The following TMEM178B variants were observed in gnomAD, a reference collection of about 807,000 sequenced individuals.
TMEM178B encodes the protein transmembrane protein 178B.
In TMEM178B, 5 loss-of-function variants were observed where a neutral mutation model predicts 31.0. The observed-to-expected ratio is 0.16, with a 90% CI of 0.08 to 0.34. The LOEUF is 0.34. Ranked by LOEUF, TMEM178B falls within the 10% of genes least tolerant of loss-of-function variation. The probability of loss-of-function intolerance (pLI) is 1.00; values close to 1 mark genes in which losing one functional copy is unlikely to be tolerated. For missense variants in TMEM178B, 275 were observed against 400.3 expected (o/e 0.69, Z 2.67); for synonymous variants, 164 against 164.0 (o/e 1.00, Z 0.00).
At chr7:141,386,111 T>TA (rs1800427332) in intron 2 of TMEM178B, among the ~76,000 whole-genome samples, 1 of 152,222 alleles carries the variant, frequency 6.6e-6, no homozygotes, top group East Asian at 1.9e-4. Context: ...AGGTGGCCTC[T>TA]AAAAAACAGA....
intron 1 of TMEM178B, among the ~76,000 whole-genome samples, chr7:141,154,518 C>T (rs1796032923): frequency 6.6e-6 from 1 of 152,210 alleles, no homozygotes; most frequent in Non-Finnish European, 1.5e-5. Context: ...AAACTGATCA[C>T]ACAGTAGTGT....
chr7:141,216,448 T>TGTGTGTGTGTGC lies in TMEM178B; in HGVS notation c.496+3745_496+3746insTGTGTGTGTGCG, dbSNP rs1415593747. 5.2e-3 allele frequency among the ~76,000 whole-genome samples: 702 copies of TGTGTGTGTGTGC among 135,914 alleles called. 26 individuals carry two copies. Among genetic ancestry groups the TGTGTGTGTGTGC allele is most frequent in the African/African-American group, 0.019 (658 of 34,350 alleles). 89.2% of individuals were successfully genotyped at this position (135,914 alleles called of 152,430 possible). On this transcript the variant is annotated intron_variant, in intron 2 of 3. Transcript: ENST00000565468. Reference sequence around the variant, plus strand: ...CTGTGTGTGTGTGTGTGTGTGTGTGTGCGCGCGCGCGCGCGTGTGTGTGTG... The same window carrying TGTGTGTGTGTGC: ...CTGTGTGTGTGTGTGTGTGTGTGTGTGTGTGTGTGTGCGCGCGCGCGCGCGCGTGTGTGTGTG...
intron 3 of TMEM178B, among the ~76,000 whole-genome samples, chr7:141,438,055 C>G (rs1298794290): frequency 6.6e-6 from 1 of 152,140 alleles, no homozygotes. Flanking sequence ...GATATCAGAC[C>G]TGGAACAAGC....
chr7:141,093,518 A>G (rs968327150), intron 1 of TMEM178B, among the ~76,000 whole-genome samples: 1 of 152,208 alleles, frequency 6.6e-6, no homozygotes, highest in Non-Finnish European at 1.5e-5. Context: ...CTCACTGGGG[A>G]TGTAAACAGA....
intron 2 of TMEM178B, among the ~76,000 whole-genome samples, chr7:141,261,898 A>G (rs1383996000): frequency 6.6e-6 from 1 of 152,120 alleles, no homozygotes; most frequent in Non-Finnish European, 1.5e-5. Context: ...TTAGACCTGG[A>G]AGGAACCTTG....
intron 2 of TMEM178B, among the ~76,000 whole-genome samples, chr7:141,234,740 C>T (rs1797499754): frequency 6.6e-6 from 1 of 152,204 alleles, no homozygotes; most frequent in Admixed American, 6.5e-5. Context: ...CATCTGCACT[C>T]TCGTCTATGT....
intron 1 of TMEM178B, among the ~76,000 whole-genome samples, chr7:141,204,799 C>T (rs930476133): frequency 6.6e-6 from 1 of 152,084 alleles, no homozygotes; most frequent in African/African-American, 2.4e-5. Context: ...CTTTGCTGTG[C>T]GAATGTAAAC....
chr7:141,436,486 G>A (rs1801542896), intron 2 of TMEM178B, among the ~76,000 whole-genome samples: 1 of 152,188 alleles, frequency 6.6e-6, no homozygotes, highest in Admixed American at 6.5e-5. Flanking sequence ...TTAGGGCACA[G>A]GCTCAGATGT....
intron 2 of TMEM178B, among the ~76,000 whole-genome samples, chr7:141,238,196 G>T (rs1420042142): frequency 6.6e-6 from 1 of 152,042 alleles, no homozygotes; most frequent in Non-Finnish European, 1.5e-5. Flanking sequence ...TCAGAGTCCG[G>T]GGAGTAGGAC....
intron 2 of TMEM178B, among the ~76,000 whole-genome samples, chr7:141,327,034 C>T (rs573214905): frequency 2.6e-5 from 4 of 152,258 alleles, no homozygotes; most frequent in Admixed American, 2.0e-4. Context: ...AAATTCTTTC[C>T]ATATGTCTCC....
At chr7:141,435,840 G>A (rs893922381) in intron 2 of TMEM178B, among the ~76,000 whole-genome samples, 3 of 152,140 alleles carry the variant, frequency 2.0e-5, no homozygotes, top group Admixed American at 6.5e-5. Context: ...CAGGCATCCC[G>A]GGTCAGCCAG....
intron 2 of TMEM178B, among the ~76,000 whole-genome samples, chr7:141,260,437 A>C (rs1296742287): frequency 6.6e-6 from 1 of 151,960 alleles, no homozygotes; most frequent in East Asian, 1.9e-4. Flanking sequence ...TTTTTCCCCC[A>C]GTTCTATCAC....
At chr7:141,160,108 G>A (rs1022061965) in intron 1 of TMEM178B, among the ~76,000 whole-genome samples, 1 of 150,704 alleles carries the variant, frequency 6.6e-6, no homozygotes, top group African/African-American at 2.4e-5. Flanking sequence ...GTTTGGTTAC[G>A]CGGATGTTAT....
chr7:141,271,826 G>T (rs1357213349), intron 2 of TMEM178B, among the ~76,000 whole-genome samples: 2 of 152,146 alleles, frequency 1.3e-5, no homozygotes, highest in African/African-American at 2.4e-5. Context: ...TGTGAGGCAG[G>T]TTCCTCTAGT....
chr7:141,310,353 C>A (rs561238554), intron 2 of TMEM178B, among the ~76,000 whole-genome samples: 2 of 152,084 alleles, frequency 1.3e-5, no homozygotes, highest in Non-Finnish European at 2.9e-5. Context: ...TAGAGAAATG[C>A]AAATCAAAAC....
At chr7:141,497,676 C>G in the TMEM178B span, among the ~76,000 whole-genome samples, 1 of 152,236 alleles carries the variant, frequency 6.6e-6, no homozygotes, top group Non-Finnish European at 1.5e-5. Flanking sequence ...TGTGCCAAAT[C>G]TCTCCTCCTC....
intron 3 of TMEM178B, among the ~76,000 whole-genome samples, chr7:141,459,303 C>T (rs1802021672): frequency 6.6e-6 from 1 of 152,208 alleles, no homozygotes; most frequent in African/African-American, 2.4e-5. Flanking sequence ...GCTGGGATTA[C>T]AGGTGTGAGC....
intron 1 of TMEM178B, among the ~76,000 whole-genome samples, chr7:141,191,288 C>A (rs1796691759): frequency 1.3e-5 from 2 of 152,180 alleles, no homozygotes; most frequent in African/African-American, 2.4e-5. Context: ...TTAGGTTGCT[C>A]TTATGAGCAA....
intron 2 of TMEM178B, among the ~76,000 whole-genome samples, chr7:141,287,480 C>T (rs1798465684): frequency 6.6e-6 from 1 of 152,140 alleles, no homozygotes; most frequent in South Asian, 2.1e-4. Flanking sequence ...GTAGTTGTCC[C>T]TCTTAAAATA....
Sources: allele counts gnomAD v4.1 joint callset (sites outside exome capture counted in the v4.1 genomes callset), GRCh38; gene constraint gnomAD v4.1.1; transcripts MANE v1.5; gene names NCBI Gene and HGNC (gene_info 2026-07-23, HGNC 2026-07-21).